The following GRIN2A variants were observed in gnomAD, a reference collection of about 807,000 sequenced individuals.
GRIN2A encodes the protein glutamate ionotropic receptor NMDA type subunit 2A.
In GRIN2A, 22 loss-of-function variants were observed where a neutral mutation model predicts 113.4. The observed-to-expected ratio is 0.19, with a 90% CI of 0.14 to 0.28. The LOEUF (loss-of-function observed/expected upper bound fraction) is 0.28, where lower values mean the gene tolerates loss of function less well. Ranked by LOEUF, GRIN2A falls within the 10% of genes least tolerant of loss-of-function variation. The probability of loss-of-function intolerance (pLI) is 1.00; values close to 1 mark genes in which losing one functional copy is unlikely to be tolerated. For synonymous variants in GRIN2A, 827 were observed against 738.4 expected (o/e 1.12, Z -1.94); for missense variants, 1,502 against 1,887.0 (o/e 0.80, Z 3.78).
chr16:9,809,490 T>TCAAA (rs1035393219), intron 10 of GRIN2A, among the ~76,000 whole-genome samples: 2 of 150,986 alleles, frequency 1.3e-5, no homozygotes, highest in Admixed American at 1.3e-4. Flanking sequence ...GGAACGTACA[T>TCAAA]CAAACAGACA....
chr16:10,036,972 G>C (rs944575135), intron 2 of GRIN2A: 3 of 152,108 alleles, frequency 2.0e-5, no homozygotes, highest in Non-Finnish European at 2.9e-5. Context: ...ATTTTGTTTT[G>C]GTGGGGGATA....
intron 2 of GRIN2A, among the ~76,000 whole-genome samples, chr16:10,124,459 C>T (rs1022493721): frequency 1.3e-5 from 2 of 148,338 alleles, no homozygotes; most frequent in African/African-American, 4.9e-5. Flanking sequence ...ACATAACTGG[C>T]AACTTAGCCT....
chr16:10,041,544 T>C (rs1039813073), intron 2 of GRIN2A, among the ~76,000 whole-genome samples: 1 of 152,200 alleles, frequency 6.6e-6, no homozygotes, highest in Non-Finnish European at 1.5e-5. Flanking sequence ...AGGTAAGGGC[T>C]CTGAGTGGGG....
Position 9,773,922 on chromosome 16 carries a change from G to A in GRIN2A, c.2357-4833C>T, listed in dbSNP as rs1345231181. Among the ~76,000 whole-genome samples, 11 of 152,124 alleles carry A rather than the reference G, an allele frequency of 7.2e-5. No individual in the cohort carries two copies. The East Asian group carries it at 2.1e-3, about 29-fold the overall frequency. On this transcript the variant is annotated intron_variant, in intron 11 of 12. Transcript: ENST00000330684. ...AGTAATAGAGTTTCAGGAGTCAACC[G>A]TCAGAGAGATGCAGAATCTAAAAGG... is the stretch of plus-strand genomic sequence containing the variant.
At chr16:9,874,592 C>A (rs528643800) in intron 4 of GRIN2A, among the ~76,000 whole-genome samples, 1 of 152,144 alleles carries the variant, frequency 6.6e-6, no homozygotes. Flanking sequence ...GATATATGAA[C>A]GCCACCCATC....
intron 10 of GRIN2A, among the ~76,000 whole-genome samples, chr16:9,810,402 C>T (rs1456259020): frequency 6.6e-6 from 1 of 152,154 alleles, no homozygotes; most frequent in Non-Finnish European, 1.5e-5. Context: ...GTGAGTATAC[C>T]TCCAAATTCA....
chr16:9,794,089 G>C (rs79018726), intron 11 of GRIN2A, among the ~76,000 whole-genome samples: 14 of 152,312 alleles, frequency 9.2e-5, no homozygotes, highest in Non-Finnish European at 1.0e-4. Flanking sequence ...CCAGTACTGA[G>C]AGCCAAAGAT....
At chr16:10,179,836 G>A in intron 2 of GRIN2A, 162 bp downstream of exon 2, 2 of 680,978 alleles carry the variant, frequency 2.9e-6, no homozygotes, top group East Asian at 2.7e-5. Context: ...CTGGGTTGGA[G>A]AGGCAAGACC....
At chr16:10,059,942 G>C (rs888734664) in intron 2 of GRIN2A, among the ~76,000 whole-genome samples, 1 of 151,766 alleles carries the variant, frequency 6.6e-6, no homozygotes, top group Admixed American at 6.6e-5. Context: ...AGGAAAAGAG[G>C]AAGCCATTAA....
At chr16:10,117,686 C>T (rs529011653) in intron 2 of GRIN2A, among the ~76,000 whole-genome samples, 1 of 152,256 alleles carries the variant, frequency 6.6e-6, no homozygotes, top group African/African-American at 2.4e-5. Flanking sequence ...ATCTCTGCAC[C>T]AGGAGGAATC....
chr16:10,059,628 C>T (rs1302206488), intron 2 of GRIN2A, among the ~76,000 whole-genome samples: 5 of 150,784 alleles, frequency 3.3e-5, no homozygotes, highest in African/African-American at 7.3e-5. Context: ...GACAACAGAG[C>T]GTCTTAAACA....
At chr16:9,890,151 G>T (rs905628099) in intron 4 of GRIN2A, among the ~76,000 whole-genome samples, 1 of 152,126 alleles carries the variant, frequency 6.6e-6, no homozygotes, top group African/African-American at 2.4e-5. Flanking sequence ...ATTTCAAGAT[G>T]CTAAAGTAGT....
At chr16:9,925,226 C>T (rs1015612101) in intron 3 of GRIN2A, among the ~76,000 whole-genome samples, 3 of 152,166 alleles carry the variant, frequency 2.0e-5, no homozygotes, top group African/African-American at 7.2e-5. Context: ...AATTCATAGT[C>T]TACAGCTAAT....
chr16:9,914,799 C>T (rs1221516426), intron 3 of GRIN2A, among the ~76,000 whole-genome samples: 3 of 150,138 alleles, frequency 2.0e-5, no homozygotes, highest in South Asian at 2.1e-4. Context: ...AAAGCTGAAG[C>T]ATTGTGCTAC....
At chr16:10,062,864 C>CA (rs547484672) in intron 2 of GRIN2A, among the ~76,000 whole-genome samples, 323 of 126,732 alleles carry the variant, frequency 2.5e-3, no homozygotes, top group South Asian at 0.014. Flanking sequence ...GACTCTGTTT[C>CA]AAAAAAAAAA....
At chr16:10,102,248 C>A (rs79484368) in intron 2 of GRIN2A, among the ~76,000 whole-genome samples, 30,503 of 152,154 alleles carry the variant, frequency 0.2, 3,772 homozygotes, top group East Asian at 0.44. Context: ...CATGAACAGC[C>A]TAGCACCATA....
intron 2 of GRIN2A, among the ~76,000 whole-genome samples, chr16:10,158,759 G>T (rs145850955): frequency 9.1e-4 from 138 of 152,284 alleles, no homozygotes; most frequent in African/African-American, 3.2e-3. Flanking sequence ...AGGAGCTGGA[G>T]GGGTGGGGAA....
chr16:9,823,908 C>T (rs2042336786), intron 9 of GRIN2A, among the ~76,000 whole-genome samples: 1 of 152,108 alleles, frequency 6.6e-6, no homozygotes, highest in Non-Finnish European at 1.5e-5. Flanking sequence ...GAAGAGCACC[C>T]AGAAAATCAG....
chr16:10,114,978 G>A (rs147094292), intron 2 of GRIN2A, among the ~76,000 whole-genome samples: 21 of 152,286 alleles, frequency 1.4e-4, no homozygotes, highest in African/African-American at 4.3e-4. Flanking sequence ...CTGGACCCAC[G>A]TCCCCACATG....
Sources: gnomAD v4.1 joint callset for allele counts (sites outside exome capture counted in the v4.1 genomes callset) on GRCh38, gnomAD v4.1.1 for gene constraint, MANE v1.5 for transcripts, NCBI Gene and HGNC (gene_info 2026-07-23, HGNC 2026-07-21) for gene names.